Variants in RPAP3 observed in about 807,000 individuals in gnomAD.
The protein encoded by RPAP3 is RNA polymerase II associated protein 3, also known as RNA polymerase II-associated protein 3.
In RPAP3, 58 loss-of-function variants were observed where a neutral mutation model predicts 88.8. The observed-to-expected ratio is 0.65, with a 90% CI of 0.53 to 0.81. The LOEUF is 0.81. Among genes scored for constraint, RPAP3 ranks in the 40% least tolerant of loss-of-function variants. The pLI is 0.00. For missense variants in RPAP3, 751 were observed against 764.3 expected, an observed-to-expected ratio of 0.98 and a Z score of 0.20; for synonymous variants, 255 against 259.9, an observed-to-expected ratio of 0.98 and a Z score of 0.18.
chr12:47,704,495 A>G (rs2136649691), intron 1 of RPAP3, among the ~76,000 whole-genome samples: 1 of 151,144 alleles, frequency 6.6e-6, no homozygotes, highest in Admixed American at 6.6e-5. Context: ...CAGCCTCCCG[A>G]GCAGCTGGGA....
intron 2 of RPAP3, 119 bp from the exon 3 acceptor site, chr12:47,701,723 G>A (rs1370774058): frequency 7.8e-6 from 6 of 772,050 alleles, no homozygotes; most frequent in African/African-American, 7.3e-5. Context: ...ATTTTAAAGT[G>A]TTTAAAAAGA....
At chr12:47,671,179 C>T (rs1339500026) in intron 12 of RPAP3, among the ~76,000 whole-genome samples, 1 of 151,970 alleles carries the variant, frequency 6.6e-6, no homozygotes, top group African/African-American at 2.4e-5. Context: ...TAACAATATT[C>T]TTCACTATAT....
intron 12 of RPAP3, among the ~76,000 whole-genome samples, chr12:47,676,889 T>A (rs1332552456): frequency 6.6e-6 from 1 of 152,202 alleles, no homozygotes; most frequent in African/African-American, 2.4e-5. Context: ...TAACTCATTT[T>A]ATGAGGCCAG....
chr12:47,687,784 T>C (rs1939353334), intron 8 of RPAP3, 92 bp downstream of exon 8: 2 of 1,411,042 alleles, frequency 1.4e-6, no homozygotes, highest in Non-Finnish European at 1.9e-6. Context: ...AAAACTTTAA[T>C]ATTAGAGAAG....
chr12:47,687,913 T>G lies in RPAP3; in HGVS notation c.827A>C (p.Gln276Pro). 1 of 1,613,726 alleles carries G rather than the reference T, an allele frequency of 6.2e-7. No homozygotes were observed. The highest frequency in any genetic ancestry group is 1.1e-5 in the South Asian group (1 of 91,064). ...TEGERKQIEA[Q>P]QNKQQAISEK... The stretch of plus-strand genomic sequence containing the variant: ...TGAAATGGCCTGCTGCTTATTCTGT[T>G]GTGCTTCAATTTGCTTTCGCTCTCC... The change falls in exon 8 of 17, where the codon CAA becomes CCA. Residue 276 changes from glutamine to proline, a missense_variant. Transcript: ENST00000005386.
intron 12 of RPAP3, among the ~76,000 whole-genome samples, chr12:47,677,953 G>A (rs955985324): frequency 2.6e-5 from 4 of 151,896 alleles, no homozygotes; most frequent in Admixed American, 2.0e-4. Context: ...CAATCCTAAG[G>A]AATAAGAACA....
At chr12:47,704,653 T>C (rs1009595067) in intron 1 of RPAP3, among the ~76,000 whole-genome samples, 4 of 151,690 alleles carry the variant, frequency 2.6e-5, no homozygotes, top group Non-Finnish European at 4.4e-5. Flanking sequence ...GCTGGGATTA[T>C]AGGCATGAGC....
chr12:47,697,784 C>T, intron 3 of RPAP3, 65 bp from the exon 4 acceptor site: 8 of 1,430,084 alleles, frequency 5.6e-6, no homozygotes, highest in Non-Finnish European at 7.6e-6. Context: ...GAAAAAAAGA[C>T]ATACTAAAAA....
At chr12:47,677,731 T>A (rs1444514388) in intron 12 of RPAP3, among the ~76,000 whole-genome samples, 28 of 151,996 alleles carry the variant, frequency 1.8e-4, no homozygotes, top group African/African-American at 6.8e-4. Context: ...AAACCACTGC[T>A]CAACGAAATA....
At chr12:47,682,690 A>C (rs1210434405) in intron 9 of RPAP3, among the ~76,000 whole-genome samples, 1 of 151,838 alleles carries the variant, frequency 6.6e-6, no homozygotes, top group Admixed American at 6.6e-5. Flanking sequence ...TAAAAAAAAA[A>C]AAAACACTCC....
At chr12:47,672,731 T>C (rs1939024435) in intron 12 of RPAP3, among the ~76,000 whole-genome samples, 1 of 152,222 alleles carries the variant, frequency 6.6e-6, no homozygotes, top group South Asian at 2.1e-4. Flanking sequence ...TACAGAACAG[T>C]TTACCCCAAG....
At chr12:47,680,769 A>G (rs984217645) in intron 10 of RPAP3, among the ~76,000 whole-genome samples, 1 of 151,992 alleles carries the variant, frequency 6.6e-6, no homozygotes, top group Non-Finnish European at 1.5e-5. Context: ...AGTATCAAGA[A>G]TTAAAATGGT....
chr12:47,705,949 C>G lies in RPAP3; in HGVS notation c.-7+3G>C, dbSNP rs1939788475. On this transcript the variant is annotated splice_donor_region_variant and intron_variant, in intron 1 of 16. Coordinates refer to ENST00000005386, the MANE Select transcript of RPAP3 (RefSeq NM_024604.3). ...GGCAGCGAGAACCGCAACGCCCGCT[C>G]ACCTGACCAGGCCGTAACCCGCCGC... 6.5e-6 allele frequency: 1 copy of G among 153,600 alleles called. No homozygotes were observed. The highest frequency in any genetic ancestry group is 1.5e-5 in the Non-Finnish European group (1 of 68,932). 9.5% of individuals were successfully genotyped at this position (153,600 alleles called of 1,614,324 possible). A position where few individuals can be genotyped will look rare whatever the true frequency, so the allele number is the denominator to read the frequency against.
In RPAP3 at chr12:47,679,016, T is replaced by C. The variant is rs1262246977; in HGVS notation, c.1287+477A>G. 4.6e-5 allele frequency among the ~76,000 whole-genome samples: 7 copies of C among 152,236 alleles called. No homozygotes were observed. The South Asian group carries it at 1.5e-3, about 32-fold the overall frequency. On this transcript the variant is annotated intron_variant, in intron 12 of 16. Transcript: ENST00000005386. ...AACCAACCCAAATATCCACCAATGA[T>C]AGACTAGATTAAGAAAATGTGGCAC...
chr12:47,692,155 T>C (rs1030719055), intron 5 of RPAP3, among the ~76,000 whole-genome samples: 2 of 148,138 alleles, frequency 1.4e-5, no homozygotes, highest in African/African-American at 2.4e-5. Context: ...GCCCTAGGAC[T>C]TTTGGAATGG....
intron 6 of RPAP3, 148 bp from the exon 7 acceptor site, chr12:47,689,343 T>C: frequency 2.0e-6 from 1 of 494,942 alleles, no homozygotes; most frequent in Non-Finnish European, 3.5e-6. Context: ...ATTAGGCCAC[T>C]GAACTTTCTT....
intron 9 of RPAP3, among the ~76,000 whole-genome samples, chr12:47,684,524 T>A (rs1395479347): frequency 2.0e-5 from 3 of 152,094 alleles, no homozygotes; most frequent in Non-Finnish European, 4.4e-5. Flanking sequence ...CAGAAAAAAA[T>A]TCTGATATTA....
intron 12 of RPAP3, among the ~76,000 whole-genome samples, chr12:47,676,176 A>G: frequency 6.6e-6 from 1 of 152,192 alleles, no homozygotes; most frequent in East Asian, 1.9e-4. Flanking sequence ...AGGCAGAAAT[A>G]AAGATGTTCT....
chr12:47,700,964 G>A (rs1939643059), intron 3 of RPAP3, among the ~76,000 whole-genome samples: 1 of 152,200 alleles, frequency 6.6e-6, no homozygotes, highest in South Asian at 2.1e-4. Context: ...GAGAGGAGCA[G>A]TATGACTATA....
Sources: allele counts gnomAD v4.1 joint callset (sites outside exome capture counted in the v4.1 genomes callset), GRCh38; gene constraint gnomAD v4.1.1; transcripts MANE v1.5; gene names NCBI Gene and HGNC (gene_info 2026-07-23, HGNC 2026-07-21).